SVIL: variants seen among roughly 807,000 people sequenced by gnomAD.
The protein encoded by SVIL is supervillin.
In SVIL, 101 loss-of-function variants were observed where a neutral mutation model predicts 240.4. That is an observed-to-expected ratio of 0.42 (90% CI 0.36 to 0.50). SVIL has a LOEUF of 0.50. SVIL is among the 20% of genes least tolerant of loss of function. SVIL has a pLI of 0.01. For synonymous variants in SVIL, 999 were observed against 1,100.0 expected (o/e 0.91, Z 1.82); for missense variants, 2,512 against 2,818.7 (o/e 0.89, Z 2.46).
At chr10:29,637,647 T>A (rs1958355578), upstream of SVIL, among the ~76,000 whole-genome samples, 1 of 152,284 alleles carries the variant, frequency 6.6e-6, no homozygotes, top group East Asian at 1.9e-4. Context: ...CCCACATGAA[T>A]ATGCCAAACT....
At chr10:29,508,853 G>GT (rs1268257726) in intron 17 of SVIL, among the ~76,000 whole-genome samples, 1 of 152,190 alleles carries the variant, frequency 6.6e-6, no homozygotes, top group Non-Finnish European at 1.5e-5. Context: ...TCTATAAAGG[G>GT]TTTTCACTTC....
chr10:29,622,163 T>C (rs565260862), intron 1 of SVIL, among the ~76,000 whole-genome samples: 65 of 135,386 alleles, frequency 4.8e-4, no homozygotes, highest in African/African-American at 1.7e-3. Context: ...GGCAGGAGAA[T>C]GGCGTGAACC....
chr10:29,724,729 A>T (rs971318051), intron 1 of SVIL, among the ~76,000 whole-genome samples: 7 of 152,238 alleles, frequency 4.6e-5, no homozygotes, highest in African/African-American at 1.7e-4. Flanking sequence ...TGGACTTAAA[A>T]ACTGATGAGC....
intron 1 of SVIL, among the ~76,000 whole-genome samples, chr10:29,601,312 G>A (rs1292310087): frequency 6.6e-6 from 1 of 152,212 alleles, no homozygotes; most frequent in Non-Finnish European, 1.5e-5. Flanking sequence ...AGCTGAAACT[G>A]AAAATTATAA....
intron 1 of SVIL, among the ~76,000 whole-genome samples, chr10:29,579,583 G>A (rs73596058): frequency 0.058 from 8,850 of 152,298 alleles, 736 homozygotes; most frequent in African/African-American, 0.18. Flanking sequence ...AAGCTAAGGC[G>A]TTAGATGACA....
chr10:29,595,632 G>A (rs533159116), intron 1 of SVIL, among the ~76,000 whole-genome samples: 64 of 152,288 alleles, frequency 4.2e-4, no homozygotes, highest in Admixed American at 7.8e-4. Context: ...AAACCCTTAC[G>A]ACTCCTCTTT....
chr10:29,534,402 C>G (rs1255952012), intron 7 of SVIL, among the ~76,000 whole-genome samples: 1 of 152,134 alleles, frequency 6.6e-6, no homozygotes, highest in African/African-American at 2.4e-5. Flanking sequence ...ACTTAGGAGG[C>G]TGAGGCAGGA....
At chr10:29,504,738 A>T (rs1949140908) in intron 17 of SVIL, among the ~76,000 whole-genome samples, 1 of 152,244 alleles carries the variant, frequency 6.6e-6, no homozygotes, top group African/African-American at 2.4e-5. Context: ...ACTCTCATTC[A>T]GTGCTGATGG....
chr10:29,575,086 G>A (rs1955629447), intron 1 of SVIL, among the ~76,000 whole-genome samples: 1 of 152,222 alleles, frequency 6.6e-6, no homozygotes, highest in Non-Finnish European at 1.5e-5. Flanking sequence ...CTACTTTGAA[G>A]TGTGTAGGAA....
intron 13 of SVIL, among the ~76,000 whole-genome samples, chr10:29,526,328 CAG>C (rs1328032148): frequency 1.9e-5 from 2 of 103,508 alleles, no homozygotes; most frequent in South Asian, 3.0e-4. Context: ...TTTTTTGAGA[CAG>C]AGTCTTGCTC....
chr10:29,620,908 C>T (rs952338337), intron 1 of SVIL, among the ~76,000 whole-genome samples: 2 of 152,126 alleles, frequency 1.3e-5, no homozygotes, highest in African/African-American at 4.8e-5. Flanking sequence ...TGAGCCACCA[C>T]GCCCGGGCTA....
chr10:29,560,942 G>A (rs1285288505), intron 3 of SVIL, among the ~76,000 whole-genome samples: 1 of 150,548 alleles, frequency 6.6e-6, no homozygotes, highest in Non-Finnish European at 1.5e-5. Context: ...GGGTTCAAGC[G>A]ATTCTCCTGC....
intron 1 of SVIL, among the ~76,000 whole-genome samples, chr10:29,623,893 G>A (rs1226603597): frequency 6.6e-6 from 1 of 152,096 alleles, no homozygotes; most frequent in Non-Finnish European, 1.5e-5. Flanking sequence ...TTGCCATGGT[G>A]GTCCCTTAAG....
chr10:29,588,406 T>A (rs547010497), intron 1 of SVIL, among the ~76,000 whole-genome samples: 2 of 151,964 alleles, frequency 1.3e-5, no homozygotes, highest in South Asian at 4.1e-4. Flanking sequence ...TTAAGACACT[T>A]CCTGTGCAGT....
At chr10:29,632,963 G>A (rs1419119339) in intron 1 of SVIL, among the ~76,000 whole-genome samples, 1 of 152,222 alleles carries the variant, frequency 6.6e-6, no homozygotes, top group Non-Finnish European at 1.5e-5. Context: ...GCCGGGTGCA[G>A]GGGCTCACGC....
chr10:29,492,363 G>T (rs1948042868), intron 21 of SVIL, among the ~76,000 whole-genome samples: 1 of 152,046 alleles, frequency 6.6e-6, no homozygotes, highest in Non-Finnish European at 1.5e-5. Context: ...GAGCTGGGGT[G>T]TCCATCTGCC....
chr10:29,610,213 C>T (rs566679346), intron 1 of SVIL, among the ~76,000 whole-genome samples: 2 of 152,124 alleles, frequency 1.3e-5, no homozygotes, highest in Non-Finnish European at 2.9e-5. Flanking sequence ...CCTCACGCCC[C>T]ACCCTCGTCC....
At position 29,490,844 on chromosome 10, in the gene SVIL, C is replaced by T. The variant is rs368375208; in HGVS notation, c.4192+3G>A. 2.5e-6 allele frequency: 4 copies of T among 1,613,464 alleles called. No homozygotes were observed. The highest frequency in any genetic ancestry group is 3.4e-6 in the Non-Finnish European group (4 of 1,179,456). On this transcript the variant is annotated splice_donor_region_variant and intron_variant, in intron 22 of 37. Coordinates refer to ENST00000355867, the MANE Select transcript of SVIL (RefSeq NM_021738.3). Reference sequence around the variant, plus strand: ...GAAGCAGGGTGGGGGTTCAAATACTCACTCTTTTCTACTTTCATCCGCTTT... The same window carrying T: ...GAAGCAGGGTGGGGGTTCAAATACTTACTCTTTTCTACTTTCATCCGCTTT...
intron 3 of SVIL, among the ~76,000 whole-genome samples, chr10:29,641,323 C>G (rs1958478806): frequency 6.6e-6 from 1 of 151,954 alleles, no homozygotes; most frequent in African/African-American, 2.4e-5. Flanking sequence ...GTAATCCCAG[C>G]ACTTTGGAAG....
Sources: gnomAD v4.1 joint callset for allele counts (sites outside exome capture counted in the v4.1 genomes callset) on GRCh38, gnomAD v4.1.1 for gene constraint, MANE v1.5 for transcripts, NCBI Gene and HGNC (gene_info 2026-07-23, HGNC 2026-07-21) for gene names.